Variants in SHOC1 observed in about 807,000 individuals in gnomAD.
The protein encoded by SHOC1 is protein shortage in chiasmata 1 ortholog.
A neutral mutation model predicts 179.2 loss-of-function variants in SHOC1; 136 were observed. The ratio of observed to expected loss-of-function variants is 0.76; its 90% CI spans 0.66 to 0.87. SHOC1 has a LOEUF of 0.87. Among genes scored for constraint, SHOC1 ranks in the 40% least tolerant of loss-of-function variants. The probability of loss-of-function intolerance (pLI) is 0.00; values close to 1 mark genes in which losing one functional copy is unlikely to be tolerated. For missense variants in SHOC1, 1,538 were observed against 1,700.8 expected (o/e 0.90, Z 1.68); for synonymous variants, 489 against 586.6 (o/e 0.83, Z 2.41).
At chr9:111,697,929 A>G (rs4515621) in intron 24 of SHOC1, among the ~76,000 whole-genome samples, 6 of 152,050 alleles carry the variant, frequency 3.9e-5, no homozygotes, top group African/African-American at 1.4e-4. Context: ...ATTTGCATTT[A>G]TCTGATGGCC....
At chr9:111,737,309 C>A (rs1833851148) in intron 12 of SHOC1, among the ~76,000 whole-genome samples, 1 of 152,214 alleles carries the variant, frequency 6.6e-6, no homozygotes, top group African/African-American at 2.4e-5. Context: ...AATCTCCCAA[C>A]ATAGACAGTA....
intron 4 of SHOC1, among the ~76,000 whole-genome samples, chr9:111,776,390 T>C (rs549709071): frequency 6.6e-6 from 1 of 152,364 alleles, no homozygotes; most frequent in Admixed American, 6.5e-5. Context: ...AACATCTATA[T>C]GCACTAATAA....
intron 16 of SHOC1, 81 bp downstream of exon 16, chr9:111,718,103 G>A (rs1375803608): frequency 1.8e-5 from 17 of 933,366 alleles, no homozygotes; most frequent in Non-Finnish European, 2.8e-5. Flanking sequence ...CTTATAAGGT[G>A]TATCTTTTTC....
At chr9:111,730,827 G>A (rs1303267480) in intron 12 of SHOC1, among the ~76,000 whole-genome samples, 1 of 152,124 alleles carries the variant, frequency 6.6e-6, no homozygotes, top group Non-Finnish European at 1.5e-5. Context: ...GCTTCCTACT[G>A]GCTATAAAAG....
chr9:111,689,350 T>TAA (rs200925733), intron 27 of SHOC1, among the ~76,000 whole-genome samples: 94 of 147,958 alleles, frequency 6.4e-4, no homozygotes, highest in South Asian at 4.0e-3. Flanking sequence ...ATAATAATAA[T>TAA]TATTATTATT....
At chr9:111,755,030 C>A (rs6477850) in intron 8 of SHOC1, among the ~76,000 whole-genome samples, 85,184 of 152,024 alleles carry the variant, frequency 0.56, 24,513 homozygotes, top group East Asian at 0.87. Flanking sequence ...CCCAAAGGTA[C>A]CTGGGACACT....
intron 17 of SHOC1, among the ~76,000 whole-genome samples, chr9:111,713,797 T>C (rs952566460): frequency 6.6e-6 from 1 of 152,180 alleles, no homozygotes; most frequent in African/African-American, 2.4e-5. Flanking sequence ...AACCTTTATA[T>C]GCTTGATGTA....
At chr9:111,769,925 A>C (rs1339378725) in intron 5 of SHOC1, among the ~76,000 whole-genome samples, 1 of 114,672 alleles carries the variant, frequency 8.7e-6, no homozygotes, top group Admixed American at 8.2e-5. Context: ...GATTTTATTT[A>C]TTCAGGTTTG....
chr9:111,723,232 A>C (rs1833149011), intron 14 of SHOC1, among the ~76,000 whole-genome samples: 1 of 152,184 alleles, frequency 6.6e-6, no homozygotes, highest in African/African-American at 2.4e-5. Context: ...TCCAGTTATC[A>C]CTAGAATAAC....
rs145360223 is a variant in SHOC1 at position 111,703,603 on chromosome 9, A to G, written c.2967+278T>C. Among the ~76,000 whole-genome samples, 376 of 152,278 alleles carry G rather than the reference A, an allele frequency of 2.5e-3. 1 individual carries two copies. Among genetic ancestry groups the G allele is most frequent in the African/African-American group, 8.2e-3 (341 of 41,558 alleles). On this transcript the variant is annotated intron_variant, in intron 22 of 27. Transcript: ENST00000682961. Reference sequence around the variant, plus strand: ...TTGCTTTTTTAAAGCTTTCAATACTATAATTATTCTATAAATATACTTAAA... The same window carrying G: ...TTGCTTTTTTAAAGCTTTCAATACTGTAATTATTCTATAAATATACTTAAA...
In SHOC1 at chr9:111,722,415, G is replaced by A. The variant is rs763774600; in HGVS notation, c.2125C>T (p.Arg709Cys). The A allele has an allele frequency of 2.6e-5, 41 of 1,589,760 alleles. No homozygotes were observed. Among genetic ancestry groups the A allele is most frequent in the African/African-American group, 1.4e-4 (10 of 73,254 alleles). ...EQEKVVSDAV[R>C]QGTIDEREMT... ...GACTTTTATTTGTACTCACCTTGGC[G>A]AACAGCATCACTTACTACTTTTTCT... Residue 709 changes from arginine to cysteine, a missense_variant, in exon 15 of 28, where the codon CGC (arginine) becomes TGC (cysteine). Physicochemically the swap from Arg to Cys is radical, Grantham distance 180. Coordinates refer to ENST00000682961, the MANE Select transcript of SHOC1 (RefSeq NM_001378211.1).
intron 20 of SHOC1, among the ~76,000 whole-genome samples, chr9:111,705,896 G>A (rs1832250534): frequency 6.6e-6 from 1 of 152,000 alleles, no homozygotes; most frequent in Non-Finnish European, 1.5e-5. Context: ...TAAAAGAATA[G>A]TTACACAAGA....
At chr9:111,707,226 TA>T (rs1466360015) in intron 19 of SHOC1, among the ~76,000 whole-genome samples, 11 of 152,060 alleles carry the variant, frequency 7.2e-5, no homozygotes, top group Non-Finnish European at 1.6e-4. Flanking sequence ...TCTTTTCTAA[TA>T]AAATTTCATA....
At chr9:111,699,602 T>C (rs996367935) in intron 24 of SHOC1, among the ~76,000 whole-genome samples, 3 of 152,184 alleles carry the variant, frequency 2.0e-5, no homozygotes, top group Non-Finnish European at 4.4e-5. Context: ...ACCAATATAT[T>C]ACCCTAGTAT....
At chr9:111,758,003 A>T in intron 7 of SHOC1, 81 bp downstream of exon 7, 1 of 661,548 alleles carries the variant, frequency 1.5e-6, no homozygotes, top group East Asian at 3.1e-5. Flanking sequence ...TGACAATTGT[A>T]GACAATGTAT....
At chr9:111,709,237 G>C (rs1832418923) in intron 18 of SHOC1, among the ~76,000 whole-genome samples, 1 of 152,216 alleles carries the variant, frequency 6.6e-6, no homozygotes, top group African/African-American at 2.4e-5. Flanking sequence ...AGCTACCCGG[G>C]AGGGTAAGGC....
intron 11 of SHOC1, among the ~76,000 whole-genome samples, chr9:111,740,364 C>T (rs937086566): frequency 6.6e-6 from 1 of 152,086 alleles, no homozygotes; most frequent in African/African-American, 2.4e-5. Context: ...TCCCAGGATT[C>T]CTGTTTTCAC....
rs1831492823 is a variant in SHOC1 at position 111,692,504 on chromosome 9, C to T, written c.3473G>A (p.Cys1158Tyr). Residue 1158 changes from cysteine to tyrosine, a missense_variant, in exon 27 of 28, where the codon TGT (cysteine) becomes TAT (tyrosine). By Grantham distance (194) the Cys-to-Tyr change is radical. Coordinates refer to ENST00000682961, the MANE Select transcript of SHOC1 (RefSeq NM_001378211.1). ...AATCTTGAATAGGGAAGTGATGCTA[C>T]AAAAATGCTAAAAAATGAATTAATA... ...EVPEKVLKHF[C>Y]SITSLFKIGS... is the part of the protein sequence containing the mutation. 1 of 1,550,132 alleles carries T rather than the reference C, an allele frequency of 6.5e-7. No individual in the cohort carries two copies. Among genetic ancestry groups the T allele is most frequent in the South Asian group, 1.2e-5 (1 of 82,596 alleles).
intron 3 of SHOC1, among the ~76,000 whole-genome samples, chr9:111,783,884 A>G (rs532756875): frequency 1.3e-5 from 2 of 152,292 alleles, no homozygotes; most frequent in South Asian, 2.1e-4. Flanking sequence ...GGGCAAATGA[A>G]GTCTTCATAT....
Sources: allele counts gnomAD v4.1 joint callset (sites outside exome capture counted in the v4.1 genomes callset), GRCh38; gene constraint gnomAD v4.1.1; transcripts MANE v1.5; gene names NCBI Gene and HGNC (gene_info 2026-07-23, HGNC 2026-07-21).